NPEPPS: variants seen among roughly 807,000 people sequenced by gnomAD.
NPEPPS encodes the protein puromycin-sensitive aminopeptidase.
A neutral mutation model predicts 115.5 loss-of-function variants in NPEPPS; 14 were observed. The observed-to-expected ratio is 0.12, with a 90% CI of 0.08 to 0.19. The LOEUF (loss-of-function observed/expected upper bound fraction) is 0.19. Among genes scored for constraint, NPEPPS ranks in the 10% least tolerant of loss-of-function variants. The pLI is 1.00. For missense variants in NPEPPS, 523 were observed against 1,110.8 expected, an observed-to-expected ratio of 0.47 and a Z score of 7.52; for synonymous variants, 285 against 390.6, an observed-to-expected ratio of 0.73 and a Z score of 3.19.
chr17:47,547,167 G>A (rs542691782), intron 2 of NPEPPS, among the ~76,000 whole-genome samples: 2 of 152,184 alleles, frequency 1.3e-5, no homozygotes, highest in South Asian at 2.1e-4. Flanking sequence ...AAGAAACATG[G>A]TATAGAATGT....
intron 3 of NPEPPS, among the ~76,000 whole-genome samples, chr17:47,574,552 G>T (rs1911390551): frequency 6.6e-6 from 1 of 152,150 alleles, no homozygotes; most frequent in Non-Finnish European, 1.5e-5. Flanking sequence ...TGTTTTAAGT[G>T]CCTCAAAAAT....
chr17:47,584,772 G>T (rs1410448094), intron 5 of NPEPPS, among the ~76,000 whole-genome samples: 1 of 152,118 alleles, frequency 6.6e-6, no homozygotes, highest in Non-Finnish European at 1.5e-5. Flanking sequence ...CTTTGGTAGA[G>T]AATGCCCTCG....
chr17:47,595,981 CAAAA>C (rs34457526), intron 12 of NPEPPS: 43 of 38,636 alleles, frequency 1.1e-3, no homozygotes, highest in South Asian at 5.1e-3. Flanking sequence ...GACTCCATCT[CAAAA>C]AAAAAAAAAA....
At chr17:47,604,073 T>G in intron 16 of NPEPPS, 24 bp downstream of exon 16, 1 of 1,594,756 alleles carries the variant, frequency 6.3e-7, no homozygotes, top group Non-Finnish European at 8.6e-7. Context: ...ACTTAAGTAA[T>G]ATGATGGATT....
chr17:47,535,832 CTTTTTT>C (rs553790964), intron 1 of NPEPPS, among the ~76,000 whole-genome samples: 1 of 100,992 alleles, frequency 9.9e-6, no homozygotes, highest in African/African-American at 3.5e-5. Flanking sequence ...ATTGGGTATT[CTTTTTT>C]TTTTTTTTTT....
intron 1 of NPEPPS, among the ~76,000 whole-genome samples, chr17:47,535,175 G>A (rs1457556913): frequency 1.3e-4 from 19 of 143,640 alleles, no homozygotes; most frequent in Non-Finnish European, 2.3e-4. Flanking sequence ...TCTGGGAGGC[G>A]GAGCTTGCAG....
intron 8 of NPEPPS, chr17:47,586,863 T>A: frequency 2.3e-6 from 1 of 427,090 alleles, no homozygotes; most frequent in Non-Finnish European, 4.6e-6. Flanking sequence ...GGCTCAGTGC[T>A]GTTTTTGGGA....
Position 47,612,597 on chromosome 17 carries a change from A to C in NPEPPS, c.2233A>C (p.Ser745Arg). 1 of 1,611,426 alleles carries C rather than the reference A, an allele frequency of 6.2e-7. No homozygotes were observed. The highest frequency in any genetic ancestry group is 8.5e-7 in the Non-Finnish European group (1 of 1,178,444). The change falls in exon 18 of 23, where the codon AGT becomes CGT. Residue 745 changes from serine (S) to arginine (R), a missense_variant. Ser to Arg is a moderately radical substitution (Grantham distance 110, BLOSUM62 -1). This residue lies in a region of NPEPPS where 372 missense variants were observed against 542.6 expected (regional missense o/e 0.69). Coordinates refer to ENST00000322157, the MANE Select transcript of NPEPPS (RefSeq NM_006310.4). ...GKQILSADLR[S>R]PVYLTVLKHG... ...ACAGATTCTCTCCGCTGATCTGAGG[A>C]GTCCTGTAGGTTTTCATCATAAATT...
intron 2 of NPEPPS, among the ~76,000 whole-genome samples, chr17:47,558,660 C>G (rs1160369444): frequency 6.6e-6 from 1 of 152,204 alleles, no homozygotes; most frequent in Non-Finnish European, 1.5e-5. Context: ...AACTCCTGTC[C>G]TCAGGTGATC....
intron 1 of NPEPPS, among the ~76,000 whole-genome samples, chr17:47,535,918 C>T (rs1372896333): frequency 6.7e-6 from 1 of 149,328 alleles, no homozygotes; most frequent in Non-Finnish European, 1.5e-5. Context: ...CTCACTGCAG[C>T]CTCTGCCTCC....
chr17:47,538,199 G>GTTTTTTTTTTTTTT (rs1292705804), intron 1 of NPEPPS, among the ~76,000 whole-genome samples: 2 of 72,340 alleles, frequency 2.8e-5, no homozygotes, highest in East Asian at 4.9e-4. Flanking sequence ...AGCCATATCT[G>GTTTTTTTTTTTTTT]TTCTTTTTTT....
intron 17 of NPEPPS, among the ~76,000 whole-genome samples, chr17:47,607,082 A>G (rs1913562216): frequency 6.6e-6 from 1 of 151,910 alleles, no homozygotes; most frequent in Non-Finnish European, 1.5e-5. Flanking sequence ...CATCTTAGCT[A>G]CTCGGGAGGC....
At chr17:47,566,970 A>T (rs893434740) in intron 2 of NPEPPS, among the ~76,000 whole-genome samples, 2 of 152,114 alleles carry the variant, frequency 1.3e-5, no homozygotes, top group African/African-American at 4.8e-5. Context: ...GTCCCCAGCT[A>T]TCCCGGAGGC....
chr17:47,561,858 T>C (rs1007663920), intron 2 of NPEPPS, among the ~76,000 whole-genome samples: 1 of 152,262 alleles, frequency 6.6e-6, no homozygotes, highest in Non-Finnish European at 1.5e-5. Flanking sequence ...AAGAAGACTC[T>C]GAACAGAGAG....
intron 15 of NPEPPS, among the ~76,000 whole-genome samples, chr17:47,602,326 T>C (rs562513826): frequency 6.6e-6 from 1 of 152,254 alleles, no homozygotes; most frequent in Admixed American, 6.5e-5. Flanking sequence ...TTTGTGCTTT[T>C]TTTTAAAAAA....
chr17:47,580,642 G>A (rs1911817077), intron 4 of NPEPPS: 1 of 151,702 alleles, frequency 6.6e-6, no homozygotes, highest in Non-Finnish European at 1.5e-5. Context: ...AAGGCTACTT[G>A]AGACCATAAT....
In NPEPPS at chr17:47,560,001, C is replaced by T. The variant is rs150436242; in HGVS notation, c.341-9416C>T. Among the ~76,000 whole-genome samples the T allele has an allele frequency of 4.2e-3, 645 of 152,300 alleles. 5 individuals are homozygous for T. The highest frequency in any genetic ancestry group is 7.5e-3 in the Non-Finnish European group (512 of 68,036). The stretch of plus-strand genomic sequence containing the variant: ...ATCTGCTACTTCTCTGCTAGATCAG[C>T]AAATGACCCCAGAGCAAAAGTGGCC... On this transcript the variant is annotated intron_variant, in intron 2 of 22. Transcript: ENST00000322157.
chr17:47,604,905 C>T (rs773524605), intron 16 of NPEPPS, among the ~76,000 whole-genome samples: 18 of 152,166 alleles, frequency 1.2e-4, no homozygotes, highest in Non-Finnish European at 2.1e-4. Flanking sequence ...TTTGCAGGTC[C>T]GGCTTTGAAA....
chr17:47,552,295 A>G (rs996988335), intron 2 of NPEPPS, among the ~76,000 whole-genome samples: 1 of 152,154 alleles, frequency 6.6e-6, no homozygotes. Flanking sequence ...TCTGTGAAAT[A>G]TATTCTGGTT....
Sources: gnomAD v4.1 joint callset for allele counts (sites outside exome capture counted in the v4.1 genomes callset) on GRCh38, gnomAD v4.1.1 for gene constraint, gnomAD v4.1.1 regional missense constraint, MANE v1.5 for transcripts, NCBI Gene and HGNC (gene_info 2026-07-23, HGNC 2026-07-21) for gene names.